The following OPHN1 variants were observed in gnomAD, a reference collection of about 807,000 sequenced individuals.
OPHN1 encodes oligophrenin-1.
A neutral mutation model predicts 60.7 loss-of-function variants in OPHN1; 11 were observed. The observed-to-expected ratio is 0.18, with a 90% confidence interval of 0.11 to 0.30. The LOEUF (loss-of-function observed/expected upper bound fraction) is 0.30, where lower values mean the gene tolerates loss of function less well. Ranked by LOEUF, OPHN1 falls within the 10% of genes least tolerant of loss-of-function variation. OPHN1 has a pLI of 1.00. For synonymous variants in OPHN1, 226 were observed against 222.6 expected (o/e 1.02, Z -0.14); for missense variants, 449 against 611.0 (o/e 0.73, Z 2.80).
Position 68,063,910 on chromosome X carries a change from G to T in OPHN1, c.2102C>A (p.Thr701Asn). The change falls in exon 21 of 25, where the codon ACC (threonine) becomes AAC (asparagine). Residue 701 changes from threonine to asparagine, a missense_variant. Physicochemically the swap from Thr to Asn is moderately conservative, Grantham distance 65. Around this residue, in one of 4 missense-constraint regions of OPHN1, gnomAD observed 184 missense variants for 160.5 expected, o/e 1.15. Transcript: ENST00000355520. ...TGGTCTCTTTATGTGGAAAGAGGGGGTCTTGGTGGGCCCAGAGCCTGGCAT... is the reference window on the plus strand; with the variant it reads ...TGGTCTCTTTATGTGGAAAGAGGGGTTCTTGGTGGGCCCAGAGCCTGGCAT... ...GPMPGSGPTK[T>N]PSFHIKRPAP... is the part of the protein sequence containing the mutation. The T allele has an allele frequency of 8.4e-7, 1 of 1,189,329 alleles. No homozygotes were observed. The highest frequency in any genetic ancestry group is 1.1e-6 in the Non-Finnish European group (1 of 883,313).
intron 15 of OPHN1, among the ~76,000 whole-genome samples, chrX:68,175,612 G>A (rs1602212845): frequency 9.0e-6 from 1 of 111,281 alleles, no homozygotes; most frequent in Admixed American, 9.6e-5. Context: ...TCAGAAACAA[G>A]TAACTTCAAA....
At chrX:68,092,561 A>G (rs1218497200) in intron 19 of OPHN1, among the ~76,000 whole-genome samples, 1 of 112,079 alleles carries the variant, frequency 8.9e-6, no homozygotes, top group Non-Finnish European at 1.9e-5. Flanking sequence ...CACAAAGGTC[A>G]GAACTTCGAC....
At chrX:68,102,284 T>C (rs1408887481) in intron 18 of OPHN1, among the ~76,000 whole-genome samples, 1 of 111,565 alleles carries the variant, frequency 9.0e-6, no homozygotes, top group African/African-American at 3.3e-5. Flanking sequence ...ACTGGGTAAA[T>C]AACAAAATTA....
chrX:68,293,553 C>T (rs759053710), intron 3 of OPHN1, among the ~76,000 whole-genome samples: 1 of 111,714 alleles, frequency 9.0e-6, no homozygotes, highest in East Asian at 2.8e-4. Flanking sequence ...TTTTATTCCC[C>T]CAGGCATAAA....
At chrX:68,420,622 G>A (rs1431237852) in intron 2 of OPHN1, among the ~76,000 whole-genome samples, 1 of 110,836 alleles carries the variant, frequency 9.0e-6, no homozygotes, top group Non-Finnish European at 1.9e-5. Flanking sequence ...TAGAAGGTCT[G>A]TCTCTTGATC....
intron 2 of OPHN1, among the ~76,000 whole-genome samples, chrX:68,401,525 G>A (rs928609598): frequency 5.3e-5 from 6 of 112,386 alleles, no homozygotes; most frequent in African/African-American, 1.9e-4. Context: ...TAACACAATT[G>A]TACAGTGATA....
At chrX:68,056,176 C>T (rs2076872462) in intron 21 of OPHN1, among the ~76,000 whole-genome samples, 1 of 111,213 alleles carries the variant, frequency 9.0e-6, no homozygotes, top group African/African-American at 3.3e-5. Flanking sequence ...ATAGACAATG[C>T]CTAGTATACA....
intron 15 of OPHN1, among the ~76,000 whole-genome samples, chrX:68,138,159 C>T (rs2077228697): frequency 8.9e-6 from 1 of 112,103 alleles, no homozygotes; most frequent in Non-Finnish European, 1.9e-5. Flanking sequence ...TTGTTGGTAG[C>T]TGGCTGATAG....
chrX:68,233,474 A>C (rs907954243), intron 6 of OPHN1, among the ~76,000 whole-genome samples: 1 of 111,493 alleles, frequency 9.0e-6, no homozygotes, highest in Non-Finnish European at 1.9e-5. Flanking sequence ...AAAAATTCTC[A>C]ATCAGTTTAT....
At chrX:68,194,894 G>A (rs2077504127) in intron 12 of OPHN1, among the ~76,000 whole-genome samples, 1 of 108,366 alleles carries the variant, frequency 9.2e-6, no homozygotes, top group Middle Eastern at 4.3e-3. Context: ...CTTGAACCCA[G>A]GAGGTGGAGG....
intron 5 of OPHN1, among the ~76,000 whole-genome samples, chrX:68,257,822 C>A (rs759220951): frequency 1.8e-5 from 2 of 111,051 alleles, no homozygotes; most frequent in Admixed American, 9.7e-5. Flanking sequence ...AACAGGGAAT[C>A]CCCAAATTAC....
In OPHN1 at chrX:68,045,100, C is replaced by G. The variant is rs2076828133; in HGVS notation, c.*2072G>C. ...TGAAACAAGGGCTCAAAAATCACTT[C>G]CTAGGTGAGGTCAGTAAGGCCTCAC... On this transcript the variant is annotated 3_prime_UTR_variant, in exon 25 of 25. Coordinates refer to ENST00000355520, the MANE Select transcript of OPHN1 (RefSeq NM_002547.3). 9.0e-6 allele frequency: 1 copy of G among 111,150 alleles called. No homozygotes were observed. Among genetic ancestry groups the G allele is most frequent in the Admixed American group, 9.6e-5 (1 of 10,465 alleles). The allele number at this position is 111,150 out of a possible 1,213,427, so 9.2% of individuals were successfully genotyped here. A position where few individuals can be genotyped will look rare whatever the true frequency, so the allele number is the denominator to read the frequency against.
At chrX:68,103,887 T>C (rs1366103319) in intron 18 of OPHN1, among the ~76,000 whole-genome samples, 2 of 112,024 alleles carry the variant, frequency 1.8e-5, no homozygotes, top group African/African-American at 6.5e-5. Context: ...AAATTGTCTC[T>C]GTTTGCATAT....
chrX:68,188,868 G>GTATGCA (rs1439034266), intron 15 of OPHN1, among the ~76,000 whole-genome samples: 1 of 112,143 alleles, frequency 8.9e-6, no homozygotes, highest in Non-Finnish European at 1.9e-5. Context: ...AAAAATGACT[G>GTATGCA]TATGCATATT....
chrX:68,307,824 G>A (rs2078153345), intron 2 of OPHN1, among the ~76,000 whole-genome samples: 1 of 111,499 alleles, frequency 9.0e-6, no homozygotes, highest in South Asian at 3.8e-4. Flanking sequence ...AGGTAGCTAA[G>A]TTTCAATATG....
At chrX:68,055,871 C>G (rs1156583766) in intron 21 of OPHN1, among the ~76,000 whole-genome samples, 2 of 111,229 alleles carry the variant, frequency 1.8e-5, no homozygotes, top group Non-Finnish European at 3.8e-5. Flanking sequence ...CCAAACACCG[C>G]ACGTTCTCAC....
intron 5 of OPHN1, among the ~76,000 whole-genome samples, chrX:68,266,933 G>A (rs928391105): frequency 9.0e-6 from 1 of 111,526 alleles, no homozygotes; most frequent in Admixed American, 9.6e-5. Flanking sequence ...GACAAAGAAG[G>A]CCATTACATA....
At chrX:68,241,315 T>C (rs941943836) in intron 5 of OPHN1, among the ~76,000 whole-genome samples, 3 of 112,209 alleles carry the variant, frequency 2.7e-5, no homozygotes, top group Non-Finnish European at 3.8e-5. Flanking sequence ...TCCAATGAAA[T>C]TGCTGTTCTA....
intron 15 of OPHN1, among the ~76,000 whole-genome samples, chrX:68,167,574 T>C (rs2077364748): frequency 9.0e-6 from 1 of 110,675 alleles, no homozygotes; most frequent in South Asian, 3.8e-4. Flanking sequence ...TATGTACATA[T>C]GTATATCTGT....
Sources: allele counts gnomAD v4.1 joint callset (sites outside exome capture counted in the v4.1 genomes callset), GRCh38; gene constraint gnomAD v4.1.1; regional missense constraint gnomAD v4.1.1; transcripts MANE v1.5; gene names NCBI Gene and HGNC (gene_info 2026-07-23, HGNC 2026-07-21).